Variants in GRID2 observed in about 807,000 individuals in gnomAD.
The protein encoded by GRID2 is glutamate receptor ionotropic, delta-2.
GRID2 carries 33 observed loss-of-function variants against 114.8 expected under a neutral mutation model. The observed-to-expected ratio is 0.29, with a 90% CI of 0.22 to 0.38. The LOEUF is 0.38. GRID2 is among the 10% of genes least tolerant of loss of function. GRID2 has a pLI of 1.00. For missense variants in GRID2, 1,184 were observed against 1,257.7 expected (o/e 0.94, Z 0.89); for synonymous variants, 505 against 449.9 (o/e 1.12, Z -1.55).
At chr4:93,193,138 T>C (rs188500324) in intron 4 of GRID2, among the ~76,000 whole-genome samples, 2 of 152,156 alleles carry the variant, frequency 1.3e-5, no homozygotes, top group African/African-American at 4.8e-5. Context: ...CAAGTCATCT[T>C]GGAAGGAAAG....
chr4:92,974,526 T>TG (rs1196588493), intron 2 of GRID2, among the ~76,000 whole-genome samples: 1 of 152,092 alleles, frequency 6.6e-6, no homozygotes, highest in Admixed American at 6.6e-5. Context: ...GATGAGTTAA[T>TG]GTCCATTGCA....
intron 1 of GRID2, among the ~76,000 whole-genome samples, chr4:92,457,330 A>C (rs1721265411): frequency 6.6e-6 from 1 of 152,080 alleles, no homozygotes; most frequent in Admixed American, 6.6e-5. Flanking sequence ...TTTCCATTGA[A>C]TTATTTATGT....
intron 4 of GRID2, among the ~76,000 whole-genome samples, chr4:93,189,773 C>A (rs1740791056): frequency 7.2e-6 from 1 of 138,898 alleles, no homozygotes; most frequent in African/African-American, 2.7e-5. Flanking sequence ...CCACACCACA[C>A]CACACACACA....
At chr4:93,017,430 G>A (rs1722855067) in intron 2 of GRID2, among the ~76,000 whole-genome samples, 1 of 152,048 alleles carries the variant, frequency 6.6e-6, no homozygotes, top group Non-Finnish European at 1.5e-5. Context: ...TTTTGCTGCT[G>A]CTACTTTCAA....
intron 2 of GRID2, among the ~76,000 whole-genome samples, chr4:93,042,893 G>A (rs1441921852): frequency 6.6e-6 from 1 of 151,466 alleles, no homozygotes; most frequent in Non-Finnish European, 1.5e-5. Flanking sequence ...AGAGCAGGCA[G>A]GCAACAAAGA....
intron 1 of GRID2, among the ~76,000 whole-genome samples, chr4:92,550,529 T>C (rs1726531641): frequency 6.6e-6 from 1 of 152,158 alleles, no homozygotes; most frequent in African/African-American, 2.4e-5. Flanking sequence ...TTCCTGTGAG[T>C]ATAAATGTAG....
chr4:93,035,189 T>A (rs548483174), intron 2 of GRID2, among the ~76,000 whole-genome samples: 2 of 148,456 alleles, frequency 1.3e-5, no homozygotes, highest in African/African-American at 5.0e-5. Flanking sequence ...CACTGCAACC[T>A]CCGCCTCCTG....
At chr4:93,466,064 A>T (rs988302347) in intron 11 of GRID2, among the ~76,000 whole-genome samples, 7 of 152,164 alleles carry the variant, frequency 4.6e-5, no homozygotes, top group Non-Finnish European at 7.3e-5. Context: ...TTAATGTCCT[A>T]TAAAAACAGT....
chr4:93,572,359 T>C (rs766478355), intron 13 of GRID2, among the ~76,000 whole-genome samples: 18 of 152,164 alleles, frequency 1.2e-4, no homozygotes, highest in Non-Finnish European at 2.5e-4. Flanking sequence ...TGCTCTAGTA[T>C]TTTGCACGAT....
In GRID2 at chr4:93,030,495, G is replaced by C. The variant is rs546941683; in HGVS notation, c.245-54500G>C. 2.7e-5 allele frequency among the ~76,000 whole-genome samples: 4 copies of C among 150,624 alleles called. No individual in the cohort carries two copies. In the East Asian group the frequency reaches 7.9e-4, roughly 30 times the overall value. The stretch of plus-strand genomic sequence containing the variant: ...TCCCTCCTGGGTTCAGTCAATTCTT[G>C]TGCCCCAGCCTCTGGAGTAGCAGGG... On this transcript the variant is annotated intron_variant, in intron 2 of 15. Transcript: ENST00000282020.
At chr4:93,602,096 C>T (rs1186581805) in intron 13 of GRID2, among the ~76,000 whole-genome samples, 2 of 152,116 alleles carry the variant, frequency 1.3e-5, no homozygotes, top group African/African-American at 4.8e-5. Flanking sequence ...ATTGCCAACA[C>T]CAAGTCCTAA....
chr4:92,890,732 A>G (rs2149468887), intron 2 of GRID2, among the ~76,000 whole-genome samples: 1 of 152,268 alleles, frequency 6.6e-6, no homozygotes, highest in East Asian at 1.9e-4. Context: ...AGAACCAGAA[A>G]TACCTTTTGA....
At position 93,128,087 on chromosome 4, in the gene GRID2, A is replaced by G. The variant is rs576460746; in HGVS notation, c.735+17134A>G. Among the ~76,000 whole-genome samples the G allele has an allele frequency of 3.4e-5, 5 of 145,970 alleles. No homozygotes were observed. The East Asian group carries it at 1.0e-3, about 30-fold the overall frequency. On this transcript the variant is annotated intron_variant, in intron 4 of 15. Coordinates refer to ENST00000282020, the MANE Select transcript of GRID2 (RefSeq NM_001510.4). ...ACAGTACGTGCTATATTGGTTTTAC[A>G]GCTCTACAGTGAAAGTGAAAAAGTC...
chr4:93,696,472 C>T (rs1278896839), intron 14 of GRID2, among the ~76,000 whole-genome samples: 1 of 152,214 alleles, frequency 6.6e-6, no homozygotes, highest in Non-Finnish European at 1.5e-5. Flanking sequence ...TTTGATACTT[C>T]TTAAAACCTC....
At chr4:93,736,679 A>G (rs1730947710) in intron 14 of GRID2, among the ~76,000 whole-genome samples, 1 of 151,950 alleles carries the variant, frequency 6.6e-6, no homozygotes, top group African/African-American at 2.4e-5. Context: ...TACTAATAAT[A>G]AGTCAATTAT....
Position 93,462,564 on chromosome 4 carries a change from C to A in GRID2, c.1858+6590C>A, listed in dbSNP as rs547134607. Among the ~76,000 whole-genome samples, 12 of 152,240 alleles carry A rather than the reference C, an allele frequency of 7.9e-5. No homozygotes were observed. The East Asian group carries it at 2.3e-3, about 29-fold the overall frequency. ...GAAAATAAAGAGTTCTTCCTACTGT[C>A]AGATGGATCACACTATTATACAGAA... On this transcript the variant is annotated intron_variant, in intron 11 of 15. Coordinates refer to ENST00000282020, the MANE Select transcript of GRID2 (RefSeq NM_001510.4).
At chr4:93,646,476 G>A (rs1046901664) in intron 14 of GRID2, among the ~76,000 whole-genome samples, 1 of 152,174 alleles carries the variant, frequency 6.6e-6, no homozygotes, top group Non-Finnish European at 1.5e-5. Context: ...AGATTAAAGA[G>A]TTAGTTGGGC....
chr4:92,936,579 A>G (rs1483734827), intron 2 of GRID2, among the ~76,000 whole-genome samples: 1 of 145,882 alleles, frequency 6.9e-6, no homozygotes, highest in African/African-American at 2.4e-5. Context: ...TTGCTTTGAG[A>G]TAATTACTTC....
chr4:92,665,429 C>G (rs886064432), intron 2 of GRID2, among the ~76,000 whole-genome samples: 1 of 151,044 alleles, frequency 6.6e-6, no homozygotes, highest in Non-Finnish European at 1.5e-5. Context: ...GCATTAGTAC[C>G]TTAAATTATG....
Sources: allele counts gnomAD v4.1 joint callset (sites outside exome capture counted in the v4.1 genomes callset), GRCh38; gene constraint gnomAD v4.1.1; transcripts MANE v1.5; gene names NCBI Gene and HGNC (gene_info 2026-07-23, HGNC 2026-07-21).